The following BTG4 variants were observed in gnomAD, a reference collection of about 807,000 sequenced individuals.
The protein encoded by BTG4 is protein BTG4.
In BTG4, 10 loss-of-function variants were observed where a neutral mutation model predicts 19.3. That is an observed-to-expected ratio of 0.52 (90% CI 0.32 to 0.88). The LOEUF is 0.88. Ranked by LOEUF, BTG4 falls within the 40% of genes least tolerant of loss-of-function variation. BTG4 has a pLI of 0.04. For synonymous variants in BTG4, 91 were observed against 95.7 expected (o/e 0.95, Z 0.29); for missense variants, 238 against 281.9 (o/e 0.84, Z 1.11).
At chr11:111,494,514 T>C (rs935303853), downstream of BTG4, among the ~76,000 whole-genome samples, 7 of 152,230 alleles carry the variant, frequency 4.6e-5, no homozygotes, top group African/African-American at 1.7e-4. Context: ...CATTTCCTCA[T>C]ACCATAAACA....
At chr11:111,425,988 G>A in the BTG4 span, among the ~76,000 whole-genome samples, 5 of 152,218 alleles carry the variant, frequency 3.3e-5, no homozygotes, top group East Asian at 3.9e-4. Flanking sequence ...CCGAGATTGC[G>A]CCACTGCACT....
chr11:111,409,330 G>T, the BTG4 span, among the ~76,000 whole-genome samples: 3 of 152,206 alleles, frequency 2.0e-5, no homozygotes, highest in Non-Finnish European at 4.4e-5. Context: ...CCTAATAGGA[G>T]CTGGTGAGTC....
chr11:111,440,518 T>C, the BTG4 span, among the ~76,000 whole-genome samples: 1 of 152,220 alleles, frequency 6.6e-6, no homozygotes, highest in Non-Finnish European at 1.5e-5. Context: ...CTTTCCATTC[T>C]TTCCCCAGAG....
At chr11:111,403,893 A>G in the BTG4 span, among the ~76,000 whole-genome samples, 5 of 152,220 alleles carry the variant, frequency 3.3e-5, no homozygotes, top group Non-Finnish European at 7.3e-5. Context: ...ATCATTTTAG[A>G]AAAATGTATT....
At chr11:111,483,759 T>C (rs1418547627) in intron 5 of BTG4, among the ~76,000 whole-genome samples, 1 of 152,042 alleles carries the variant, frequency 6.6e-6, no homozygotes, top group East Asian at 1.9e-4. Context: ...CTAAGAGTTA[T>C]TACCCTTAAA....
At chr11:111,442,545 C>CACACACACA in the BTG4 span, among the ~76,000 whole-genome samples, 2 of 146,292 alleles carry the variant, frequency 1.4e-5, no homozygotes, top group Non-Finnish European at 3.0e-5. Context: ...CACACACACA[C>CACACACACA]CAGATGAGCC....
the BTG4 span, among the ~76,000 whole-genome samples, chr11:111,412,358 A>G: frequency 2.0e-5 from 3 of 148,928 alleles, no homozygotes; most frequent in Non-Finnish European, 3.0e-5. Flanking sequence ...AAAGTTTACT[A>G]TCTGTATTTG....
At chr11:111,417,634 G>A in the BTG4 span, 1 of 152,208 alleles carries the variant, frequency 6.6e-6, no homozygotes, top group Non-Finnish European at 1.5e-5. Flanking sequence ...CTGTCTGAGG[G>A]CTGACCACTC....
the BTG4 span, among the ~76,000 whole-genome samples, chr11:111,443,936 A>G: frequency 6.6e-6 from 1 of 152,248 alleles, no homozygotes; most frequent in Non-Finnish European, 1.5e-5. Flanking sequence ...GTAAGAAACC[A>G]GGGTGAGACA....
intron 5 of BTG4, among the ~76,000 whole-genome samples, chr11:111,471,635 G>C (rs1206615811): frequency 1.3e-5 from 2 of 152,112 alleles, no homozygotes; most frequent in South Asian, 2.1e-4. Flanking sequence ...CCCTTCTCCA[G>C]TCTATATTTT....
upstream of BTG4, chr11:111,514,586 T>G: frequency 3.5e-6 from 2 of 576,660 alleles, no homozygotes; most frequent in East Asian, 3.0e-5. Context: ...ATATCCAAGA[T>G]TTGGACTGGT....
chr11:111,420,082 G>A, the BTG4 span, among the ~76,000 whole-genome samples: 6 of 152,196 alleles, frequency 3.9e-5, no homozygotes, highest in African/African-American at 1.4e-4. Context: ...TCCTAGAGAT[G>A]CCTAGGGTCC....
At chr11:111,400,576 A>C in the BTG4 span, among the ~76,000 whole-genome samples, 5 of 152,128 alleles carry the variant, frequency 3.3e-5, no homozygotes, top group African/African-American at 1.2e-4. Context: ...CCTTATTCCC[A>C]AAAACAAGAC....
At chr11:111,453,478 G>C in the BTG4 span, 1 of 456,502 alleles carries the variant, frequency 2.2e-6, no homozygotes, top group African/African-American at 2.0e-5. Flanking sequence ...ACATCAGCAA[G>C]AATGCAACCT....
intron 1 of BTG4, among the ~76,000 whole-genome samples, chr11:111,504,122 A>G (rs1439497701): frequency 6.6e-6 from 1 of 152,086 alleles, no homozygotes; most frequent in Admixed American, 6.6e-5. Context: ...TCACAAATAC[A>G]TGTTATTGCT....
At chr11:111,428,202 A>AT in the BTG4 span, among the ~76,000 whole-genome samples, 2 of 152,174 alleles carry the variant, frequency 1.3e-5, no homozygotes, top group Non-Finnish European at 2.9e-5. Flanking sequence ...TATAGAATGG[A>AT]AATACTGGTC....
Position 111,467,550 on chromosome 11 carries a change from T to C in BTG4, c.*122A>G. 3 of 663,672 alleles carry C rather than the reference T, an allele frequency of 4.5e-6. No individual in the cohort carries two copies. The East Asian group carries it at 7.9e-5, about 18-fold the overall frequency. 41.1% of individuals were successfully genotyped at this position (663,672 alleles called of 1,614,324 possible). Reference sequence around the variant, plus strand: ...ATAGGTTTGGTTTTGTTTTTTATTCTTTTCAGGCTCCAGAAATCACCCTGA... The same window carrying C: ...ATAGGTTTGGTTTTGTTTTTTATTCCTTTCAGGCTCCAGAAATCACCCTGA... On this transcript the variant is annotated 3_prime_UTR_variant, in exon 6 of 6. Transcript: ENST00000356018.
chr11:111,408,281 C>T, the BTG4 span, among the ~76,000 whole-genome samples: 154 of 152,344 alleles, frequency 1.0e-3, 1 homozygote, highest in Admixed American at 2.4e-3. Flanking sequence ...CTTTTGTCTC[C>T]TGTTTGGTGA....
At chr11:111,482,008 T>C (rs1864770199) in intron 5 of BTG4, among the ~76,000 whole-genome samples, 1 of 151,918 alleles carries the variant, frequency 6.6e-6, no homozygotes, top group Non-Finnish European at 1.5e-5. Context: ...TGCATCCATA[T>C]TGGGAAAGAA....
Sources: gnomAD v4.1 joint callset for allele counts (sites outside exome capture counted in the v4.1 genomes callset) on GRCh38, gnomAD v4.1.1 for gene constraint, MANE v1.5 for transcripts, NCBI Gene and HGNC (gene_info 2026-07-23, HGNC 2026-07-21) for gene names.